The following IL1RAPL2 variants were observed in gnomAD, a reference collection of about 807,000 sequenced individuals.
IL1RAPL2 encodes the protein X-linked interleukin-1 receptor accessory protein-like 2.
IL1RAPL2 carries 3 observed loss-of-function variants against 44.1 expected under a neutral mutation model. The observed-to-expected ratio is 0.07, with a 90% confidence interval of 0.03 to 0.18. IL1RAPL2 has a LOEUF of 0.18. Ranked by LOEUF, IL1RAPL2 falls within the 10% of genes least tolerant of loss-of-function variation. The pLI, the probability that IL1RAPL2 is intolerant of heterozygous loss-of-function variation, is 1.00. For synonymous variants in IL1RAPL2, 181 were observed against 178.8 expected (o/e 1.01, Z -0.10); for missense variants, 391 against 496.4 (o/e 0.79, Z 2.02).
intron 5 of IL1RAPL2, among the ~76,000 whole-genome samples, chrX:105,282,507 C>T (rs1300755605): frequency 9.0e-6 from 1 of 111,667 alleles, no homozygotes; most frequent in Non-Finnish European, 1.9e-5. Context: ...TGATGAGTCT[C>T]ATGGGCATGG....
At chrX:104,742,602 C>T (rs1932115308) in intron 2 of IL1RAPL2, among the ~76,000 whole-genome samples, 1 of 111,580 alleles carries the variant, frequency 9.0e-6, no homozygotes, top group Non-Finnish European at 1.9e-5. Context: ...ATAGAAAGCA[C>T]TCACAGTTGA....
At chrX:104,669,633 C>A (rs1376174922) in intron 2 of IL1RAPL2, among the ~76,000 whole-genome samples, 4 of 111,385 alleles carry the variant, frequency 3.6e-5, no homozygotes, top group African/African-American at 1.3e-4. Context: ...GGGCTGGGGC[C>A]TCGGAATCTG....
At chrX:105,148,028 T>G in intron 2 of IL1RAPL2, among the ~76,000 whole-genome samples, 1 of 111,361 alleles carries the variant, frequency 9.0e-6, no homozygotes, top group East Asian at 2.8e-4. Flanking sequence ...GCTCTTTTCC[T>G]GTCTTTAGAG....
intron 5 of IL1RAPL2, among the ~76,000 whole-genome samples, chrX:105,280,916 C>T (rs2034526849): frequency 9.0e-6 from 1 of 111,299 alleles, no homozygotes; most frequent in East Asian, 2.8e-4. Context: ...CCAGCCATCC[C>T]ATTACTGGGT....
At chrX:105,193,884 C>T (rs1368698773) in intron 2 of IL1RAPL2, among the ~76,000 whole-genome samples, 1 of 111,758 alleles carries the variant, frequency 8.9e-6, no homozygotes, top group African/African-American at 3.3e-5. Context: ...CTAATGAATA[C>T]TTCACATACT....
intron 2 of IL1RAPL2, among the ~76,000 whole-genome samples, chrX:105,151,461 AC>A (rs1352851590): frequency 9.0e-6 from 1 of 110,730 alleles, no homozygotes; most frequent in Admixed American, 9.7e-5. Flanking sequence ...TATTATATTA[AC>A]CAAAATGGTG....
At chrX:105,202,413 G>A (rs1179514147) in intron 3 of IL1RAPL2, among the ~76,000 whole-genome samples, 2 of 112,364 alleles carry the variant, frequency 1.8e-5, no homozygotes, top group African/African-American at 6.5e-5. Flanking sequence ...TTAACCTAAT[G>A]CAGGGTTGTA....
chrX:105,342,345 C>T (rs1299511003), intron 5 of IL1RAPL2, among the ~76,000 whole-genome samples: 1 of 112,222 alleles, frequency 8.9e-6, no homozygotes, highest in Non-Finnish European at 1.9e-5. Flanking sequence ...TTATCTGTAT[C>T]TTACAGGCAG....
At chrX:104,599,861 G>GT (rs972356108) in intron 1 of IL1RAPL2, among the ~76,000 whole-genome samples, 3 of 110,948 alleles carry the variant, frequency 2.7e-5, no homozygotes, top group Non-Finnish European at 5.7e-5. Context: ...TGAGATGTGA[G>GT]TTTTTTTTGT....
At chrX:105,323,168 C>T (rs571181650) in intron 5 of IL1RAPL2, among the ~76,000 whole-genome samples, 1 of 112,115 alleles carries the variant, frequency 8.9e-6, no homozygotes, top group South Asian at 3.7e-4. Context: ...CTAAAGAAAT[C>T]TCATGTGGTG....
At chrX:104,968,875 A>G (rs770247364) in intron 2 of IL1RAPL2, among the ~76,000 whole-genome samples, 3 of 110,919 alleles carry the variant, frequency 2.7e-5, no homozygotes, top group Non-Finnish European at 5.7e-5. Context: ...AAGCATGTTC[A>G]TGGAAGACTC....
chrX:105,492,599 A>G (rs2036328308), intron 6 of IL1RAPL2, among the ~76,000 whole-genome samples: 1 of 109,631 alleles, frequency 9.1e-6, no homozygotes, highest in Non-Finnish European at 1.9e-5. Flanking sequence ...TGTAGTGATA[A>G]TATCAGTAGT....
rs944763914 is a variant in IL1RAPL2 at position 105,638,840 on chromosome X, C to T, written c.773-78527C>T. 1.1e-4 allele frequency among the ~76,000 whole-genome samples: 12 copies of T among 112,122 alleles called. No homozygotes were observed. In the Admixed American group the frequency reaches 1.1e-3, roughly 11 times the overall value. On this transcript the variant is annotated intron_variant, in intron 6 of 10. Coordinates refer to ENST00000372582, the MANE Select transcript of IL1RAPL2 (RefSeq NM_017416.2). ...TCTTTAATTCATATGCTGGGATTCA[C>T]TTGATCCATCTCAGGCTTTTATGTT...
chrX:104,905,382 T>A (rs74355241), intron 2 of IL1RAPL2, among the ~76,000 whole-genome samples: 40,254 of 109,958 alleles, frequency 0.37, 5,862 homozygotes, highest in East Asian at 0.45. Context: ...CTTGCCCATG[T>A]CTATGTCCTG....
chrX:104,910,260 C>T (rs1924191769), intron 2 of IL1RAPL2, among the ~76,000 whole-genome samples: 1 of 112,038 alleles, frequency 8.9e-6, no homozygotes, highest in Non-Finnish European at 1.9e-5. Flanking sequence ...GTCTGGCACT[C>T]TCTTGTGAGA....
chrX:105,425,684 A>C (rs1191659692), intron 5 of IL1RAPL2, among the ~76,000 whole-genome samples: 1 of 109,521 alleles, frequency 9.1e-6, no homozygotes, highest in African/African-American at 3.3e-5. Flanking sequence ...ATCTTTTCCA[A>C]CTCCTAATTA....
intron 2 of IL1RAPL2, among the ~76,000 whole-genome samples, chrX:104,949,414 T>G (rs1925503048): frequency 9.1e-6 from 1 of 109,568 alleles, no homozygotes; most frequent in Admixed American, 9.8e-5. Flanking sequence ...GTGTCTCTAT[T>G]TCCTTCAGTT....
At chrX:104,790,444 A>G (rs1932819596) in intron 2 of IL1RAPL2, among the ~76,000 whole-genome samples, 1 of 111,559 alleles carries the variant, frequency 9.0e-6, no homozygotes, top group African/African-American at 3.3e-5. Context: ...GACGAGAACC[A>G]CTACAAGAAT....
chrX:105,050,277 G>A (rs774077312), intron 2 of IL1RAPL2, among the ~76,000 whole-genome samples: 1 of 111,954 alleles, frequency 8.9e-6, no homozygotes, highest in Non-Finnish European at 1.9e-5. Context: ...TTTGGAAGTA[G>A]GACTCAGTAC....
Sources: allele counts gnomAD v4.1 joint callset (sites outside exome capture counted in the v4.1 genomes callset), GRCh38; gene constraint gnomAD v4.1.1; transcripts MANE v1.5; gene names NCBI Gene and HGNC (gene_info 2026-07-23, HGNC 2026-07-21).